The following ESRP1 variants were observed in gnomAD, a reference collection of about 807,000 sequenced individuals.
The protein encoded by ESRP1 is RNA-binding motif protein 35A.
A neutral mutation model predicts 81.7 loss-of-function variants in ESRP1; 33 were observed. That is an observed-to-expected ratio of 0.40 (90% CI 0.31 to 0.54). The LOEUF is 0.54. Among genes scored for constraint, ESRP1 ranks in the 20% least tolerant of loss-of-function variants. The pLI is 0.41. For synonymous variants in ESRP1, 320 were observed against 303.3 expected (o/e 1.06, Z -0.57); for missense variants, 672 against 833.1 (o/e 0.81, Z 2.38).
chr8:94,696,661 C>G (rs937070532), intron 14 of ESRP1, among the ~76,000 whole-genome samples, 191 bp from the exon 15 acceptor site: 1 of 152,084 alleles, frequency 6.6e-6, no homozygotes, highest in African/African-American at 2.4e-5. Flanking sequence ...CTAGAAGGGA[C>G]TTTTATGGTA....
chr8:94,695,348 C>CTTTTTTTTTTTTTTTTT lies in ESRP1; in HGVS notation c.1972-1496_1972-1480dup, dbSNP rs1177357708. On this transcript the variant is annotated intron_variant, in intron 14 of 15. Coordinates refer to ENST00000433389, the MANE Select transcript of ESRP1 (RefSeq NM_017697.4). ...GAGTAAATAAAATTTCTTTTTCTTT[C>CTTTTTTTTTTTTTTTTT]TTTTTTTTTTTTTTTTTTTTTTTTG... Among the ~76,000 whole-genome samples the CTTTTTTTTTTTTTTTTT allele has an allele frequency of 3.1e-4, 19 of 61,172 alleles. 1 individual carries two copies. The highest frequency in any genetic ancestry group is 1.0e-3 in the African/African-American group (17 of 16,852). The allele number at this position is 61,172 out of a possible 152,430, so 40.1% of individuals were successfully genotyped here.
At chr8:94,648,695 G>A (rs531126491) in intron 4 of ESRP1, among the ~76,000 whole-genome samples, 5 of 152,368 alleles carry the variant, frequency 3.3e-5, no homozygotes, top group South Asian at 2.1e-4. Context: ...TGGTAAACCA[G>A]TGGGGGAGGG....
At chr8:94,652,599 C>T (rs1192116510) in intron 4 of ESRP1, among the ~76,000 whole-genome samples, 2 of 151,662 alleles carry the variant, frequency 1.3e-5, no homozygotes, top group Non-Finnish European at 2.9e-5. Flanking sequence ...CATTTTTTTC[C>T]CCACTAATGT....
At chr8:94,666,831 A>G (rs1266779574) in intron 9 of ESRP1, among the ~76,000 whole-genome samples, 1 of 152,232 alleles carries the variant, frequency 6.6e-6, no homozygotes, top group Non-Finnish European at 1.5e-5. Context: ...TGATAGATGC[A>G]TTGCAACTTG....
rs113539076 is a variant in ESRP1 at position 94,648,803 on chromosome 8, TG to T, written c.490+2523del. ...GTCGTGAAATACTTGTATCCTTGAT[TG>T]GTTGTTTTAAACGAGGATACAGAAA... On this transcript the variant is annotated intron_variant, in intron 4 of 15. Transcript: ENST00000433389. Among the ~76,000 whole-genome samples, 800 of 152,372 alleles carry T rather than the reference TG, an allele frequency of 5.3e-3. 5 individuals are homozygous for T. Among genetic ancestry groups the T allele is most frequent in the Middle Eastern group, 0.02 (6 of 294 alleles).
At chr8:94,686,346 G>A (rs1211561619) in intron 13 of ESRP1, among the ~76,000 whole-genome samples, 4 of 152,184 alleles carry the variant, frequency 2.6e-5, no homozygotes, top group African/African-American at 9.6e-5. Context: ...TGATCTTGGT[G>A]CAGCTTACTG....
intron 13 of ESRP1, among the ~76,000 whole-genome samples, chr8:94,687,767 A>G (rs1809200684): frequency 6.6e-6 from 1 of 152,116 alleles, no homozygotes; most frequent in South Asian, 2.1e-4. Context: ...TTTAAATTGG[A>G]TTATTTTCAC....
intron 4 of ESRP1, chr8:94,656,188 C>T (rs1474428369): frequency 7.4e-6 from 1 of 134,468 alleles, no homozygotes; most frequent in Non-Finnish European, 1.5e-5. Flanking sequence ...GCCTAGGCTA[C>T]ATAGCAGGAC....
At chr8:94,664,629 G>A in intron 6 of ESRP1, 68 bp from the exon 7 acceptor site, 1 of 1,105,600 alleles carries the variant, frequency 9.0e-7, no homozygotes, top group Non-Finnish European at 1.4e-6. Flanking sequence ...CAGTTGTCTT[G>A]CAGGGGGTAA....
At chr8:94,679,800 C>T (rs768479017) in intron 13 of ESRP1, among the ~76,000 whole-genome samples, 3 of 152,104 alleles carry the variant, frequency 2.0e-5, no homozygotes. Flanking sequence ...TTTGGTAATA[C>T]ACGTGTATGC....
chr8:94,704,411 T>A (rs187958981), intron 15 of ESRP1, among the ~76,000 whole-genome samples: 1 of 152,056 alleles, frequency 6.6e-6, no homozygotes, highest in Non-Finnish European at 1.5e-5. Flanking sequence ...AGGCTGAGTT[T>A]GAGACTAGCC....
chr8:94,690,070 G>A (rs1161630062), intron 13 of ESRP1, among the ~76,000 whole-genome samples: 1 of 151,340 alleles, frequency 6.6e-6, no homozygotes, highest in Non-Finnish European at 1.5e-5. Context: ...CACCTACCTT[G>A]GCCTCCCAAA....
At chr8:94,664,619 C>A in intron 6 of ESRP1, 78 bp from the exon 7 acceptor site, 2 of 953,098 alleles carry the variant, frequency 2.1e-6, no homozygotes, top group Non-Finnish European at 3.4e-6. Flanking sequence ...TGTAACTAGG[C>A]AGTTGTCTTG....
intron 10 of ESRP1, among the ~76,000 whole-genome samples, chr8:94,668,854 G>A (rs1415718522): frequency 2.1e-5 from 3 of 142,124 alleles, no homozygotes; most frequent in Admixed American, 1.4e-4. Context: ...GTGCAGTGGC[G>A]CAATCTCTGC....
In ESRP1 at chr8:94,655,485, A is replaced by G. The variant is rs1818361869; in HGVS notation, c.491-6787A>G. On this transcript the variant is annotated intron_variant, in intron 4 of 15. Transcript: ENST00000433389. ...TCCCCCGCATTTTATTGCTGGTGTT[A>G]AATAGTTTTGGTTGTCTTGACTTCT... Among the ~76,000 whole-genome samples the G allele has an allele frequency of 3.3e-5, 5 of 151,432 alleles. No individual in the cohort carries two copies. The South Asian group carries it at 1.0e-3, about 32-fold the overall frequency.
intron 11 of ESRP1, among the ~76,000 whole-genome samples, chr8:94,672,050 A>T (rs936014961): frequency 2.6e-5 from 4 of 152,312 alleles, no homozygotes; most frequent in Admixed American, 2.0e-4. Context: ...GACATATATT[A>T]TCAGTCTTGA....
chr8:94,693,812 T>A (rs1044856403), intron 14 of ESRP1, among the ~76,000 whole-genome samples: 1 of 152,208 alleles, frequency 6.6e-6, no homozygotes, highest in Non-Finnish European at 1.5e-5. Context: ...AGGACTGTGA[T>A]CTCAGCTAAA....
At chr8:94,700,082 C>T (rs1298680821) in intron 15 of ESRP1, among the ~76,000 whole-genome samples, 1 of 152,156 alleles carries the variant, frequency 6.6e-6, no homozygotes, top group Non-Finnish European at 1.5e-5. Flanking sequence ...AGGCAACTTA[C>T]ACAAGTCATA....
Position 94,678,297 on chromosome 8 carries a change from A to G in ESRP1, c.1746A>G (p.Arg582=), listed in dbSNP as rs772435884. The G allele has an allele frequency of 6.2e-7, 1 of 1,614,028 alleles. No homozygotes were observed. The highest frequency in any genetic ancestry group is 1.1e-5 in the South Asian group (1 of 91,082). The part of the protein sequence containing the change: ...IYQPSVILNP[R]ALQPSTAYYP... ...AGCCCTCTGTGATTTTGAATCCACG[A>G]GCACTGCAGCCCTCCACAGCGTACT... Residue 582 remains arginine (R), a synonymous_variant, in exon 13 of 16, where the codon CGA becomes CGG. Coordinates refer to ENST00000433389, the MANE Select transcript of ESRP1 (RefSeq NM_017697.4).
Sources: allele counts gnomAD v4.1 joint callset (sites outside exome capture counted in the v4.1 genomes callset), GRCh38; gene constraint gnomAD v4.1.1; transcripts MANE v1.5; gene names NCBI Gene and HGNC (gene_info 2026-07-23, HGNC 2026-07-21).